The following UNC13C variants were observed in gnomAD, a reference collection of about 807,000 sequenced individuals.
The protein encoded by UNC13C is protein unc-13 homolog C.
A neutral mutation model predicts 245.4 loss-of-function variants in UNC13C; 174 were observed. The ratio of observed to expected loss-of-function variants is 0.71; its 90% CI spans 0.63 to 0.80. UNC13C has a LOEUF of 0.80. UNC13C is among the 30% of genes least tolerant of loss of function. UNC13C has a pLI of 0.00. For synonymous variants in UNC13C, 992 were observed against 895.1 expected, an observed-to-expected ratio of 1.11 and a Z score of -1.93; for missense variants, 2,829 against 2,602.9, an observed-to-expected ratio of 1.09 and a Z score of -1.89.
At chr15:54,064,225 T>A (rs1897971919) in intron 2 of UNC13C, among the ~76,000 whole-genome samples, 1 of 152,236 alleles carries the variant, frequency 6.6e-6, no homozygotes, top group Non-Finnish European at 1.5e-5. Flanking sequence ...GGCTACCTAG[T>A]GGCAACAGAG....
At chr15:53,986,051 C>G (rs1456252984) in intron 1 of UNC13C, among the ~76,000 whole-genome samples, 3 of 152,006 alleles carry the variant, frequency 2.0e-5, no homozygotes, top group Non-Finnish European at 4.4e-5. Context: ...GAAAGAAATC[C>G]AGGGAGGAAT....
intron 20 of UNC13C, among the ~76,000 whole-genome samples, chr15:54,499,820 T>C (rs1894118051): frequency 6.6e-6 from 1 of 151,974 alleles, no homozygotes; most frequent in Admixed American, 6.6e-5. Context: ...TTGAAGGGAA[T>C]TACAGAGTAA....
At chr15:54,415,177 G>A (rs762573986) in intron 19 of UNC13C, 110 bp downstream of exon 19, 62 of 763,856 alleles carry the variant, frequency 8.1e-5, no homozygotes, top group Admixed American at 3.2e-4. Context: ...TGATTACTGT[G>A]ATCAGTTTAG....
chr15:54,061,778 C>G (rs1311169625), intron 2 of UNC13C, among the ~76,000 whole-genome samples: 1 of 152,074 alleles, frequency 6.6e-6, no homozygotes, highest in Non-Finnish European at 1.5e-5. Context: ...TCTAGAATGC[C>G]TTGGAGGCAG....
At chr15:54,465,802 G>A (rs961639187) in intron 19 of UNC13C, among the ~76,000 whole-genome samples, 1 of 151,926 alleles carries the variant, frequency 6.6e-6, no homozygotes, top group Non-Finnish European at 1.5e-5. Context: ...AAGATATCAG[G>A]TTAAGACTAC....
At chr15:53,872,623 G>A in the UNC13C span, among the ~76,000 whole-genome samples, 1 of 152,108 alleles carries the variant, frequency 6.6e-6, no homozygotes, top group African/African-American at 2.4e-5. Flanking sequence ...CAGTCTCCAT[G>A]CCTCTAGGCT....
intron 1 of UNC13C, among the ~76,000 whole-genome samples, chr15:53,999,959 T>A (rs1894810706): frequency 6.6e-6 from 1 of 152,100 alleles, no homozygotes. Flanking sequence ...CAAGGACCAG[T>A]ATGTGTCTTG....
At chr15:54,545,784 C>T (rs7172780) in intron 26 of UNC13C, among the ~76,000 whole-genome samples, 5,655 of 152,170 alleles carry the variant, frequency 0.037, 319 homozygotes, top group African/African-American at 0.13. Context: ...TACCATCTCA[C>T]GCCAGTTAGA....
chr15:54,028,943 T>G (rs1896240583), intron 2 of UNC13C, among the ~76,000 whole-genome samples: 1 of 152,270 alleles, frequency 6.6e-6, no homozygotes, highest in African/African-American at 2.4e-5. Flanking sequence ...AAGATGAATT[T>G]TCAGCCAAAC....
intron 29 of UNC13C, among the ~76,000 whole-genome samples, chr15:54,567,426 A>G (rs1897562793): frequency 6.6e-6 from 1 of 152,072 alleles, no homozygotes; most frequent in Non-Finnish European, 1.5e-5. Context: ...AATTTTGACA[A>G]CCCTTGGTAT....
intron 14 of UNC13C, among the ~76,000 whole-genome samples, chr15:54,326,740 T>A (rs2038306710): frequency 6.6e-6 from 1 of 151,826 alleles, no homozygotes; most frequent in African/African-American, 2.4e-5. Flanking sequence ...CAGTTAACAT[T>A]TTGCAAGGGA....
chr15:54,136,432 T>G (rs2031736593), intron 2 of UNC13C, among the ~76,000 whole-genome samples: 1 of 152,222 alleles, frequency 6.6e-6, no homozygotes, highest in Non-Finnish European at 1.5e-5. Flanking sequence ...GTTTATCAGT[T>G]TTAAGTTTTT....
At chr15:54,411,389 T>A (rs760769123) in intron 18 of UNC13C, among the ~76,000 whole-genome samples, 5 of 152,226 alleles carry the variant, frequency 3.3e-5, no homozygotes, top group Non-Finnish European at 7.3e-5. Flanking sequence ...TACACCTTTG[T>A]GTTACATCTA....
At chr15:54,624,429 G>C (rs1901009335) in intron 32 of UNC13C, among the ~76,000 whole-genome samples, 1 of 152,020 alleles carries the variant, frequency 6.6e-6, no homozygotes, top group Admixed American at 6.6e-5. Flanking sequence ...AGGACTCTAA[G>C]GCGAGAGCAA....
At chr15:54,082,578 C>T (rs1375575171) in intron 2 of UNC13C, among the ~76,000 whole-genome samples, 1 of 152,092 alleles carries the variant, frequency 6.6e-6, no homozygotes, top group East Asian at 1.9e-4. Flanking sequence ...TCATTTTAGA[C>T]TTTTGACTCT....
intron 2 of UNC13C, among the ~76,000 whole-genome samples, chr15:54,044,942 A>T (rs1026310327): frequency 1.1e-4 from 16 of 151,872 alleles, no homozygotes; most frequent in Non-Finnish European, 2.4e-4. Context: ...TTATTGTTGA[A>T]TTGTATGATA....
chr15:53,915,419 G>A, the UNC13C span, among the ~76,000 whole-genome samples: 1 of 152,302 alleles, frequency 6.6e-6, no homozygotes, highest in African/African-American at 2.4e-5. Flanking sequence ...TATTACAGAG[G>A]CCTAAAGAGA....
the UNC13C span, among the ~76,000 whole-genome samples, chr15:53,855,529 C>T: frequency 2.2e-4 from 34 of 152,182 alleles, no homozygotes; most frequent in Middle Eastern, 3.4e-3. Flanking sequence ...TATCAAAGCC[C>T]TCTTCTGCAT....
chr15:54,151,370 A>T (rs1176308446), intron 4 of UNC13C, among the ~76,000 whole-genome samples: 3 of 151,996 alleles, frequency 2.0e-5, no homozygotes, highest in South Asian at 4.2e-4. Flanking sequence ...AGCCAGGAGA[A>T]CCTCCAATTT....
Sources: allele counts gnomAD v4.1 joint callset (sites outside exome capture counted in the v4.1 genomes callset), GRCh38; gene constraint gnomAD v4.1.1; transcripts MANE v1.5; gene names NCBI Gene and HGNC (gene_info 2026-07-23, HGNC 2026-07-21).